Variants in ZC3H13 observed in about 807,000 individuals in gnomAD.
ZC3H13 encodes the protein zinc finger CCCH-type containing 13.
A neutral mutation model predicts 204.1 loss-of-function variants in ZC3H13; 64 were observed. The ratio of observed to expected loss-of-function variants is 0.31; its 90% CI spans 0.26 to 0.39. The LOEUF is 0.39. Ranked by LOEUF, ZC3H13 falls within the 10% of genes least tolerant of loss-of-function variation. The pLI is 1.00. For missense variants in ZC3H13, 1,833 were observed against 2,082.7 expected, an observed-to-expected ratio of 0.88 and a Z score of 2.33; for synonymous variants, 667 against 693.7, an observed-to-expected ratio of 0.96 and a Z score of 0.60.
At chr13:45,999,836 C>T (rs1162973092) in intron 8 of ZC3H13, among the ~76,000 whole-genome samples, 2 of 150,292 alleles carry the variant, frequency 1.3e-5, no homozygotes, top group African/African-American at 4.9e-5. Flanking sequence ...AAATAAGACT[C>T]AAAAGTAAAA....
intron 3 of ZC3H13, among the ~76,000 whole-genome samples, chr13:46,044,565 A>C (rs572883832): frequency 1.3e-5 from 2 of 152,270 alleles, no homozygotes; most frequent in African/African-American, 4.8e-5. Context: ...AGAACATCTT[A>C]AACAGCTAAA....
At chr13:46,026,065 T>C (rs2042525411) in intron 4 of ZC3H13, among the ~76,000 whole-genome samples, 1 of 152,080 alleles carries the variant, frequency 6.6e-6, no homozygotes, top group African/African-American at 2.4e-5. Flanking sequence ...TTCAATATTA[T>C]AGAAACAAAG....
intron 5 of ZC3H13, among the ~76,000 whole-genome samples, chr13:46,014,584 G>A (rs1255100937): frequency 1.3e-5 from 2 of 152,148 alleles, no homozygotes; most frequent in African/African-American, 4.8e-5. Flanking sequence ...ACCTCAAGCT[G>A]TCTGAGACGT....
chr13:46,032,741 T>A (rs2042977431), intron 4 of ZC3H13, among the ~76,000 whole-genome samples: 1 of 152,100 alleles, frequency 6.6e-6, no homozygotes. Context: ...TGAAATAACC[T>A]AAAATCTCCA....
At position 45,987,737 on chromosome 13, in the gene ZC3H13, T is replaced by A. The variant is rs1593552118; in HGVS notation, c.1255+1050A>T. 3.9e-5 allele frequency among the ~76,000 whole-genome samples: 6 copies of A among 152,214 alleles called. No individual in the cohort carries two copies. In the South Asian group the frequency reaches 1.0e-3, roughly 26 times the overall value. ...CTCACCAAGAGGCGCTTAAAGTGCATATTAAATATAAATGTTGTTCCAAGT... is the reference window on the plus strand; with the variant it reads ...CTCACCAAGAGGCGCTTAAAGTGCAAATTAAATATAAATGTTGTTCCAAGT... On this transcript the variant is annotated intron_variant, in intron 9 of 18. Coordinates refer to ENST00000679008, the MANE Select transcript of ZC3H13 (RefSeq NM_001330564.2).
rs1171170131 is a variant in ZC3H13 at position 45,956,950 on chromosome 13, A to G, written c.*177T>C. 2.1e-6 allele frequency: 1 copy of G among 470,232 alleles called. No individual in the cohort carries two copies. The highest frequency in any genetic ancestry group is 3.6e-5 in the East Asian group (1 of 27,752). 29.1% of individuals were successfully genotyped at this position (470,232 alleles called of 1,614,324 possible). The stretch of plus-strand genomic sequence containing the variant: ...CAAATACTATGTAAAAATTAACGTA[A>G]AATCTTAAGTTGGCCAAAACTAGTG... On this transcript the variant is annotated 3_prime_UTR_variant, in exon 19 of 19. Transcript: ENST00000679008.
chr13:45,965,706 A>G (rs902412102), intron 15 of ZC3H13, among the ~76,000 whole-genome samples: 1 of 152,164 alleles, frequency 6.6e-6, no homozygotes. Context: ...ATGACAAATA[A>G]AAGCTACTAC....
chr13:46,017,781 T>C (rs1014640073), intron 5 of ZC3H13, among the ~76,000 whole-genome samples: 1 of 152,140 alleles, frequency 6.6e-6, no homozygotes, highest in Non-Finnish European at 1.5e-5. Context: ...GGTAAGTCTA[T>C]GAAACCAGTT....
intron 1 of ZC3H13, among the ~76,000 whole-genome samples, chr13:46,046,211 A>G (rs986716919): frequency 1.6e-4 from 25 of 152,222 alleles, no homozygotes; most frequent in Admixed American, 3.3e-4. Flanking sequence ...AGGTGTTTCT[A>G]TAATCTATAC....
intron 4 of ZC3H13, among the ~76,000 whole-genome samples, chr13:46,021,885 A>G (rs752015471): frequency 1.5e-4 from 23 of 152,076 alleles, no homozygotes; most frequent in Non-Finnish European, 2.9e-4. Flanking sequence ...GATTAAACCC[A>G]CTGTAAATAT....
intron 17 of ZC3H13, chr13:45,962,853 T>C (rs1951791548): frequency 7.1e-6 from 7 of 985,198 alleles, no homozygotes; most frequent in Admixed American, 6.2e-5. Flanking sequence ...TCCCTCCCCA[T>C]TAATAAAGTA....
At chr13:45,994,646 G>C (rs1442933904) in intron 8 of ZC3H13, among the ~76,000 whole-genome samples, 1 of 152,186 alleles carries the variant, frequency 6.6e-6, no homozygotes, top group Admixed American at 6.5e-5. Flanking sequence ...TTGTTTTTAA[G>C]CTCCCAGAGT....
intron 4 of ZC3H13, among the ~76,000 whole-genome samples, chr13:46,029,421 C>T (rs980558081): frequency 1.5e-4 from 22 of 150,772 alleles, no homozygotes; most frequent in African/African-American, 4.9e-4. Context: ...AAGAGATGGA[C>T]TACTTCTTTT....
chr13:46,043,064 G>T (rs1011030871), intron 3 of ZC3H13, among the ~76,000 whole-genome samples: 14 of 151,902 alleles, frequency 9.2e-5, no homozygotes, highest in African/African-American at 3.1e-4. Flanking sequence ...AAAAACAAAG[G>T]AGAGATGGAA....
chr13:46,010,203 G>T, intron 7 of ZC3H13, 145 bp downstream of exon 7: 2 of 807,014 alleles, frequency 2.5e-6, no homozygotes, highest in Non-Finnish European at 3.4e-6. Context: ...CTTTTTAATT[G>T]AAACATTTCA....
rs2044564085 is a variant in ZC3H13, at chr13:46,052,599, C to CGGGT, written c.-206_-205insACCC. The stretch of plus-strand genomic sequence containing the variant: ...CCCCGGGATGGCTGAGAAGCAGAAC[C>CGGGT]AACCCGCCCGCCGCCTCTCCAGGGT... On this transcript the variant is annotated 5_prime_UTR_variant, in exon 1 of 19. Coordinates refer to ENST00000679008, the MANE Select transcript of ZC3H13 (RefSeq NM_001330564.2). 1.0e-5 allele frequency: 4 copies of CGGGT among 398,760 alleles called. No homozygotes were observed. Among genetic ancestry groups the CGGGT allele is most frequent in the Admixed American group, 8.8e-5 (2 of 22,744 alleles). 24.7% of individuals were successfully genotyped at this position (398,760 alleles called of 1,614,324 possible).
At chr13:45,982,629 T>C (rs1308710666) in intron 10 of ZC3H13, among the ~76,000 whole-genome samples, 2 of 152,196 alleles carry the variant, frequency 1.3e-5, no homozygotes, top group Non-Finnish European at 2.9e-5. Context: ...TCTGAAATGC[T>C]TGGGACCACA....
At chr13:45,962,154 A>G (rs1419152051) in intron 17 of ZC3H13, 2 of 985,016 alleles carry the variant, frequency 2.0e-6, no homozygotes, top group African/African-American at 3.5e-5. Flanking sequence ...CAGAAAATAT[A>G]GATAGATAAT....
intron 10 of ZC3H13, among the ~76,000 whole-genome samples, chr13:45,981,547 G>A (rs907496775): frequency 1.3e-5 from 2 of 152,020 alleles, no homozygotes; most frequent in African/African-American, 4.8e-5. Context: ...CTAGATCCCT[G>A]AGGAATTGCC....
Sources: allele counts gnomAD v4.1 joint callset (sites outside exome capture counted in the v4.1 genomes callset), GRCh38; gene constraint gnomAD v4.1.1; transcripts MANE v1.5; gene names NCBI Gene and HGNC (gene_info 2026-07-23, HGNC 2026-07-21).